The following PTPRT variants were observed in gnomAD, a reference collection of about 807,000 sequenced individuals.
PTPRT encodes protein tyrosine phosphatase receptor type T, also known as receptor-type tyrosine-protein phosphatase T.
PTPRT carries 56 observed loss-of-function variants against 176.8 expected under a neutral mutation model. That is an observed-to-expected ratio of 0.32 (90% CI 0.26 to 0.40). The LOEUF is 0.40. Ranked by LOEUF, PTPRT falls within the 10% of genes least tolerant of loss-of-function variation. The pLI is 1.00. For missense variants in PTPRT, 1,540 were observed against 1,908.2 expected (o/e 0.81, Z 3.60); for synonymous variants, 783 against 739.0 (o/e 1.06, Z -0.96).
chr20:42,669,721 G>C (rs960726454), intron 7 of PTPRT, among the ~76,000 whole-genome samples: 11 of 152,190 alleles, frequency 7.2e-5, no homozygotes, highest in African/African-American at 2.6e-4. Flanking sequence ...CCTCTACTCT[G>C]TCCTAGAACT....
chr20:42,881,951 G>T (rs1386530184), intron 2 of PTPRT, among the ~76,000 whole-genome samples: 1 of 152,118 alleles, frequency 6.6e-6, no homozygotes, highest in Non-Finnish European at 1.5e-5. Flanking sequence ...GGATCATGCA[G>T]GATCTTATAG....
intron 1 of PTPRT, among the ~76,000 whole-genome samples, chr20:42,997,869 C>T (rs1984313443): frequency 6.6e-6 from 1 of 152,102 alleles, no homozygotes; most frequent in Non-Finnish European, 1.5e-5. Context: ...TGCTGAGGAT[C>T]AGGAAGGTAG....
At chr20:42,688,270 C>A (rs1881280652) in intron 6 of PTPRT, 1 of 152,240 alleles carries the variant, frequency 6.6e-6, no homozygotes, top group African/African-American at 2.4e-5. Flanking sequence ...CTTTGTAGCA[C>A]CCATGGCACA....
At position 43,034,227 on chromosome 20, in the gene PTPRT, T is replaced by G. The variant is rs534407047; in HGVS notation, c.89-148295A>C. On this transcript the variant is annotated intron_variant, in intron 1 of 30. Transcript: ENST00000373187. ...CCTCAGGCAGCCAGGTCACAATAGCTTCTCAGTACAAGAGCCCAGACTTTG... is the reference window on the plus strand; with the variant it reads ...CCTCAGGCAGCCAGGTCACAATAGCGTCTCAGTACAAGAGCCCAGACTTTG... Among the ~76,000 whole-genome samples the G allele has an allele frequency of 2.0e-4, 30 of 152,188 alleles. 1 individual carries two copies. The highest frequency in any genetic ancestry group is 4.0e-4 in the Non-Finnish European group (27 of 68,036).
At chr20:42,249,448 G>C (rs938328151) in intron 13 of PTPRT, among the ~76,000 whole-genome samples, 1 of 152,170 alleles carries the variant, frequency 6.6e-6, no homozygotes, top group Non-Finnish European at 1.5e-5. Context: ...GTGTTAACTT[G>C]CTGACACAAT....
At chr20:42,415,228 G>A (rs956634423) in intron 9 of PTPRT, among the ~76,000 whole-genome samples, 1 of 152,158 alleles carries the variant, frequency 6.6e-6, no homozygotes, top group African/African-American at 2.4e-5. Context: ...GTTGCTCAGG[G>A]TGGAGTGCAG....
At chr20:42,641,250 C>T (rs899388501) in intron 7 of PTPRT, among the ~76,000 whole-genome samples, 1 of 152,096 alleles carries the variant, frequency 6.6e-6, no homozygotes, top group Non-Finnish European at 1.5e-5. Context: ...CTATTCCTTC[C>T]AAAAGGACTG....
At chr20:42,866,008 C>T (rs1395127242) in intron 2 of PTPRT, among the ~76,000 whole-genome samples, 1 of 152,204 alleles carries the variant, frequency 6.6e-6, no homozygotes, top group African/African-American at 2.4e-5. Flanking sequence ...CCTAGCTTCC[C>T]AAACACCCAG....
At chr20:42,370,015 T>G (rs6016765) in intron 9 of PTPRT, among the ~76,000 whole-genome samples, 1 of 152,024 alleles carries the variant, frequency 6.6e-6, no homozygotes, top group African/African-American at 2.4e-5. Flanking sequence ...GCTGCCTTCA[T>G]GTCCCCTCCT....
At chr20:42,764,794 T>C (rs959300036) in intron 5 of PTPRT, among the ~76,000 whole-genome samples, 1 of 152,182 alleles carries the variant, frequency 6.6e-6, no homozygotes, top group African/African-American at 2.4e-5. Flanking sequence ...TTAAACATAG[T>C]ATCATTACAT....
chr20:42,154,690 C>T (rs1989274514), intron 17 of PTPRT, among the ~76,000 whole-genome samples: 1 of 152,192 alleles, frequency 6.6e-6, no homozygotes, highest in South Asian at 2.1e-4. Flanking sequence ...ATCACAAAGT[C>T]ACCTCTTCCA....
At chr20:42,471,472 G>A (rs574217928) in intron 8 of PTPRT, among the ~76,000 whole-genome samples, 4 of 152,264 alleles carry the variant, frequency 2.6e-5, no homozygotes, top group East Asian at 1.9e-4. Context: ...CTTTGGCCAC[G>A]TAGTGTTCCT....
At chr20:43,010,058 C>T (rs1391504984) in intron 1 of PTPRT, among the ~76,000 whole-genome samples, 1 of 152,138 alleles carries the variant, frequency 6.6e-6, no homozygotes, top group East Asian at 1.9e-4. Flanking sequence ...TTACTACCTG[C>T]TACATCCCAT....
In PTPRT at chr20:42,946,786, G is replaced by T. The variant is rs75727142; in HGVS notation, c.89-60854C>A. Among the ~76,000 whole-genome samples, 4 of 152,096 alleles carry T rather than the reference G, an allele frequency of 2.6e-5. No homozygotes were observed. The East Asian group carries it at 7.7e-4, about 29-fold the overall frequency. ...ACACAAAAACAGCAGGATTTACAAC[G>T]GGGTTTCTCAACTTCAATCACCGCA... On this transcript the variant is annotated intron_variant, in intron 1 of 30. Transcript: ENST00000373187.
At chr20:42,382,450 T>C (rs1219690477) in intron 9 of PTPRT, among the ~76,000 whole-genome samples, 1 of 152,150 alleles carries the variant, frequency 6.6e-6, no homozygotes, top group Non-Finnish European at 1.5e-5. Flanking sequence ...TGCTTCCAGA[T>C]CCCTGTACAT....
chr20:42,740,466 C>A (rs577165412), intron 6 of PTPRT, among the ~76,000 whole-genome samples: 1 of 152,160 alleles, frequency 6.6e-6, no homozygotes, highest in Non-Finnish European at 1.5e-5. Flanking sequence ...CAGCCCCTGC[C>A]GAGTCCTCCT....
At chr20:42,321,968 G>A (rs2057804749) in intron 11 of PTPRT, among the ~76,000 whole-genome samples, 1 of 152,138 alleles carries the variant, frequency 6.6e-6, no homozygotes, top group Non-Finnish European at 1.5e-5. Context: ...AGCTTCTTAG[G>A]AGGCGGAGGC....
intron 2 of PTPRT, among the ~76,000 whole-genome samples, chr20:42,832,801 T>TAAAAA (rs778457370): frequency 2.0e-4 from 22 of 107,330 alleles, no homozygotes; most frequent in African/African-American, 7.6e-4. Flanking sequence ...TAGGATTTGT[T>TAAAAA]AAAAAAAAAA....
At chr20:42,966,702 A>G (rs1163582161) in intron 1 of PTPRT, among the ~76,000 whole-genome samples, 1 of 152,234 alleles carries the variant, frequency 6.6e-6, no homozygotes, top group East Asian at 1.9e-4. Flanking sequence ...TTCTGCCAAC[A>G]TTATTAACGG....
Sources: allele counts gnomAD v4.1 joint callset (sites outside exome capture counted in the v4.1 genomes callset), GRCh38; gene constraint gnomAD v4.1.1; transcripts MANE v1.5; gene names NCBI Gene and HGNC (gene_info 2026-07-23, HGNC 2026-07-21).